STAC: variants seen among roughly 807,000 people sequenced by gnomAD.
STAC encodes the protein SH3 and cysteine-rich domain-containing protein.
A neutral mutation model predicts 48.8 loss-of-function variants in STAC; 43 were observed. That is an observed-to-expected ratio of 0.88 (90% CI 0.69 to 1.14). STAC has a LOEUF of 1.14. Ranked by LOEUF, STAC falls within the 50% of genes most tolerant of loss-of-function variation. The pLI is 0.00. For missense variants in STAC, 497 were observed against 504.0 expected, an observed-to-expected ratio of 0.99 and a Z score of 0.13; for synonymous variants, 193 against 179.5, an observed-to-expected ratio of 1.07 and a Z score of -0.60.
At chr3:36,387,218 A>G (rs1699636754) in intron 1 of STAC, among the ~76,000 whole-genome samples, 1 of 152,028 alleles carries the variant, frequency 6.6e-6, no homozygotes, top group Non-Finnish European at 1.5e-5. Context: ...CATCAACCTG[A>G]GTTGGTAAGA....
At chr3:36,448,553 G>T (rs149559552) in intron 2 of STAC, among the ~76,000 whole-genome samples, 47 of 152,256 alleles carry the variant, frequency 3.1e-4, no homozygotes, top group Admixed American at 3.3e-4. Flanking sequence ...AATAAGTAAA[G>T]CTGGAACATA....
chr3:36,486,028 G>A (rs565859113), intron 4 of STAC, 106 bp from the exon 5 acceptor site: 1 of 823,704 alleles, frequency 1.2e-6, no homozygotes, highest in African/African-American at 1.7e-5. Context: ...AAGTTCCTCT[G>A]CACAGAGCCT....
intron 1 of STAC, among the ~76,000 whole-genome samples, chr3:36,395,163 A>C (rs1699832010): frequency 6.6e-6 from 1 of 152,164 alleles, no homozygotes; most frequent in Admixed American, 6.5e-5. Flanking sequence ...AGATAGAAAC[A>C]ATGTAACTGA....
rs1337511612 is a variant in STAC at position 36,504,381 on chromosome 3, T to C, written c.767-12T>C. 2 of 1,612,078 alleles carry C rather than the reference T, an allele frequency of 1.2e-6. No homozygotes were observed. The highest frequency in any genetic ancestry group is 1.3e-5 in the African/African-American group (1 of 74,870). On this transcript the variant is annotated splice_polypyrimidine_tract_variant and intron_variant, in intron 6 of 10. Transcript: ENST00000273183. ...GATTCATAGAGCACCTGCTTTCTCT[T>C]GTCTCCTTCAGTGTTTACATATCCA...
At chr3:36,501,115 A>T (rs1423514379) in intron 6 of STAC, among the ~76,000 whole-genome samples, 2 of 152,128 alleles carry the variant, frequency 1.3e-5, no homozygotes, top group Non-Finnish European at 2.9e-5. Flanking sequence ...AAACAAAATC[A>T]TATGTTAAAG....
chr3:36,464,005 A>G (rs1697094304), intron 2 of STAC, among the ~76,000 whole-genome samples: 2 of 152,150 alleles, frequency 1.3e-5, no homozygotes, highest in South Asian at 4.1e-4. Flanking sequence ...TTATAGCAGC[A>G]TGATTTATAA....
At chr3:36,531,916 G>A (rs1408024793) in intron 10 of STAC, among the ~76,000 whole-genome samples, 3 of 152,178 alleles carry the variant, frequency 2.0e-5, no homozygotes, top group Non-Finnish European at 4.4e-5. Context: ...TACAATGGTA[G>A]TAAAAAACTT....
chr3:36,528,634 C>T, intron 8 of STAC, 62 bp from the exon 9 acceptor site: 1 of 1,348,872 alleles, frequency 7.4e-7, no homozygotes, highest in Non-Finnish European at 1.0e-6. Context: ...TTACTCCTGA[C>T]TTTAAAGTAT....
intron 8 of STAC, among the ~76,000 whole-genome samples, chr3:36,508,861 T>C (rs1323895824): frequency 1.3e-5 from 2 of 152,198 alleles, no homozygotes; most frequent in African/African-American, 4.8e-5. Flanking sequence ...GGGTCTTGAC[T>C]CTTTATCCAA....
intron 1 of STAC, among the ~76,000 whole-genome samples, chr3:36,411,324 G>A (rs1009513539): frequency 1.3e-5 from 2 of 152,184 alleles, no homozygotes; most frequent in African/African-American, 4.8e-5. Context: ...GTCAAGTAAT[G>A]ATGTTCTATA....
At chr3:36,398,351 G>GAAAGAAAGAAAA (rs1699904818) in intron 1 of STAC, among the ~76,000 whole-genome samples, 1 of 133,140 alleles carries the variant, frequency 7.5e-6, no homozygotes, top group Non-Finnish European at 1.7e-5. Context: ...AAGAAAGAAA[G>GAAAGAAAGAAAA]AAAGAAAGAA....
At chr3:36,544,385 G>C (rs1699396456) in intron 10 of STAC, among the ~76,000 whole-genome samples, 1 of 152,114 alleles carries the variant, frequency 6.6e-6, no homozygotes, top group African/African-American at 2.4e-5. Flanking sequence ...GGCCCGGCTG[G>C]TCATGAACTC....
intron 6 of STAC, among the ~76,000 whole-genome samples, chr3:36,495,869 G>A (rs568954600): frequency 6.6e-6 from 1 of 152,336 alleles, no homozygotes; most frequent in Admixed American, 6.5e-5. Context: ...AAGCCTGTTA[G>A]AAATAGCAAG....
chr3:36,525,578 G>A (rs1314484734), intron 8 of STAC, among the ~76,000 whole-genome samples: 1 of 152,138 alleles, frequency 6.6e-6, no homozygotes, highest in Non-Finnish European at 1.5e-5. Flanking sequence ...ACCTCCCCCA[G>A]CTTTATTCCC....
At chr3:36,498,616 G>A (rs1338451558) in intron 6 of STAC, among the ~76,000 whole-genome samples, 3 of 152,096 alleles carry the variant, frequency 2.0e-5, no homozygotes, top group Non-Finnish European at 4.4e-5. Context: ...AGCCAGGCGT[G>A]GTGGTGCCTG....
chr3:36,433,100 C>T (rs1407338644), intron 1 of STAC, among the ~76,000 whole-genome samples: 2 of 152,074 alleles, frequency 1.3e-5, no homozygotes, highest in African/African-American at 4.8e-5. Context: ...CTGGGGGTCA[C>T]GTAGGAGGGA....
In STAC at chr3:36,442,395, G is replaced by A. The variant is rs549472701; in HGVS notation, c.112-969G>A. Among the ~76,000 whole-genome samples, 5 of 152,212 alleles carry A rather than the reference G, an allele frequency of 3.3e-5. No homozygotes were observed. The East Asian group carries it at 9.7e-4, about 29-fold the overall frequency. On this transcript the variant is annotated intron_variant, in intron 1 of 10. Coordinates refer to ENST00000273183, the MANE Select transcript of STAC (RefSeq NM_003149.3). Reference sequence around the variant, plus strand: ...TTAAAGGTGAAGTGACTTGTTGCTGGGTGAAAAGAAAAACTATGTACTAAG... The same window carrying A: ...TTAAAGGTGAAGTGACTTGTTGCTGAGTGAAAAGAAAAACTATGTACTAAG...
intron 1 of STAC, among the ~76,000 whole-genome samples, chr3:36,418,195 T>A (rs1266531283): frequency 6.6e-6 from 1 of 152,190 alleles, no homozygotes; most frequent in Non-Finnish European, 1.5e-5. Flanking sequence ...CTTTTTATAA[T>A]TTTTTAGTTG....
chr3:36,386,165 C>T (rs1382743718), intron 1 of STAC, among the ~76,000 whole-genome samples: 2 of 152,086 alleles, frequency 1.3e-5, no homozygotes, highest in African/African-American at 4.8e-5. Context: ...CTCATTTTGG[C>T]CATCTAATAA....
Sources: gnomAD v4.1 joint callset for allele counts (sites outside exome capture counted in the v4.1 genomes callset) on GRCh38, gnomAD v4.1.1 for gene constraint, MANE v1.5 for transcripts, NCBI Gene and HGNC (gene_info 2026-07-23, HGNC 2026-07-21) for gene names.